Variants in IL7 observed in about 807,000 individuals in gnomAD.
IL7 encodes the protein interleukin-7.
Under a neutral mutation model 21.6 loss-of-function variants are expected in IL7, and 3 were observed. The observed-to-expected ratio is 0.14, with a 90% CI of 0.06 to 0.36. IL7 has a LOEUF of 0.36. Ranked by LOEUF, IL7 falls within the 10% of genes least tolerant of loss-of-function variation. The pLI is 1.00. For missense variants in IL7, 175 were observed against 200.2 expected, an observed-to-expected ratio of 0.87 and a Z score of 0.76; for synonymous variants, 62 against 68.1, an observed-to-expected ratio of 0.91 and a Z score of 0.44.
chr8:78,713,602 T>G (rs1034966990), downstream of IL7, among the ~76,000 whole-genome samples: 1 of 152,204 alleles, frequency 6.6e-6, no homozygotes, highest in East Asian at 1.9e-4. Context: ...GTAAACCTCA[T>G]GAATGGACTT....
chr8:78,781,781 G>A (rs907653632), intron 2 of IL7, among the ~76,000 whole-genome samples: 13 of 152,100 alleles, frequency 8.5e-5, no homozygotes, highest in Non-Finnish European at 1.6e-4. Context: ...CTAGGTTGAG[G>A]AAGTTCTCCT....
At chr8:78,793,220 A>G (rs1276676334) in intron 2 of IL7, among the ~76,000 whole-genome samples, 4 of 152,304 alleles carry the variant, frequency 2.6e-5, no homozygotes, top group Non-Finnish European at 4.4e-5. Flanking sequence ...AATGCAGAAT[A>G]GTGGCTGCCA....
intron 2 of IL7, among the ~76,000 whole-genome samples, chr8:78,788,714 G>A (rs1459647285): frequency 1.3e-5 from 2 of 152,164 alleles, no homozygotes; most frequent in East Asian, 1.9e-4. Context: ...GTTTGATGAA[G>A]TATTTTATAA....
chr8:78,701,697 G>T (rs569226944), intron 3 of IL7, among the ~76,000 whole-genome samples: 1 of 152,144 alleles, frequency 6.6e-6, no homozygotes, highest in Non-Finnish European at 1.5e-5. Flanking sequence ...AGTTTTTAAC[G>T]TGAAGGGATG....
intron 2 of IL7, among the ~76,000 whole-genome samples, chr8:78,795,471 T>C (rs1212776090): frequency 2.0e-5 from 3 of 152,078 alleles, no homozygotes; most frequent in East Asian, 3.9e-4. Flanking sequence ...TGTTTTGTTT[T>C]TTGAAAATAA....
At chr8:78,802,830 C>T (rs1375562723) in intron 1 of IL7, among the ~76,000 whole-genome samples, 2 of 152,142 alleles carry the variant, frequency 1.3e-5, no homozygotes, top group African/African-American at 4.8e-5. Flanking sequence ...AACTACATTG[C>T]TTCCTTAAAA....
intron 2 of IL7, among the ~76,000 whole-genome samples, chr8:78,796,311 C>G (rs1813852212): frequency 6.6e-6 from 1 of 151,816 alleles, no homozygotes; most frequent in Admixed American, 6.6e-5. Flanking sequence ...AGAAACACAC[C>G]ATTTAAAATA....
At chr8:78,766,974 G>A (rs1201301141) in intron 2 of IL7, among the ~76,000 whole-genome samples, 2 of 152,042 alleles carry the variant, frequency 1.3e-5, no homozygotes, top group African/African-American at 2.4e-5. Flanking sequence ...TACCAATCCT[G>A]AGAAGTAAAA....
At chr8:78,755,334 T>A (rs1394676513) in intron 2 of IL7, among the ~76,000 whole-genome samples, 1 of 152,144 alleles carries the variant, frequency 6.6e-6, no homozygotes, top group Non-Finnish European at 1.5e-5. Flanking sequence ...CATACAAATT[T>A]TAGGACTGTT....
intron 2 of IL7, among the ~76,000 whole-genome samples, chr8:78,790,807 A>C (rs1474685172): frequency 1.6e-4 from 25 of 152,148 alleles, no homozygotes; most frequent in Admixed American, 1.6e-3. Context: ...AAGAAAATTT[A>C]AAAGATACAA....
At chr8:78,789,272 G>A (rs1281714364) in intron 2 of IL7, among the ~76,000 whole-genome samples, 2 of 152,004 alleles carry the variant, frequency 1.3e-5, no homozygotes, top group Non-Finnish European at 2.9e-5. Flanking sequence ...AATGTCTCTT[G>A]TTAAATTGCA....
intron 2 of IL7, among the ~76,000 whole-genome samples, chr8:78,763,435 G>T (rs372941727): frequency 1.3e-5 from 2 of 152,108 alleles, no homozygotes; most frequent in African/African-American, 4.8e-5. Context: ...AATGTTATTT[G>T]GAAGTAGATT....
intron 2 of IL7, among the ~76,000 whole-genome samples, chr8:78,791,921 T>C (rs539249367): frequency 6.6e-6 from 1 of 152,246 alleles, no homozygotes; most frequent in South Asian, 2.1e-4. Flanking sequence ...ATAAAGCTAT[T>C]TAATATACTA....
At chr8:78,773,710 T>A (rs1302672154) in intron 2 of IL7, among the ~76,000 whole-genome samples, 1 of 152,170 alleles carries the variant, frequency 6.6e-6, no homozygotes, top group Non-Finnish European at 1.5e-5. Context: ...CGATATGGCA[T>A]GATCTGAGCC....
At chr8:78,729,333 G>A (rs1328915152), downstream of IL7, among the ~76,000 whole-genome samples, 3 of 151,940 alleles carry the variant, frequency 2.0e-5, no homozygotes, top group Non-Finnish European at 4.4e-5. Flanking sequence ...ACTAGAGATG[G>A]ATGCTTAATA....
At chr8:78,759,927 AC>A (rs1812490870) in intron 2 of IL7, among the ~76,000 whole-genome samples, 2 of 152,328 alleles carry the variant, frequency 1.3e-5, no homozygotes, top group South Asian at 4.1e-4. Context: ...GCAAAAGGAA[AC>A]ATGGAACTTT....
At chr8:78,781,753 G>C (rs1813338303) in intron 2 of IL7, among the ~76,000 whole-genome samples, 1 of 152,034 alleles carries the variant, frequency 6.6e-6, no homozygotes, top group Non-Finnish European at 1.5e-5. Context: ...TCCTGAATTT[G>C]ACTGTTGCCC....
chr8:78,801,307 T>A (rs1814051129), intron 1 of IL7, among the ~76,000 whole-genome samples: 1 of 152,228 alleles, frequency 6.6e-6, no homozygotes, highest in Admixed American at 6.5e-5. Flanking sequence ...TGTTACTCTT[T>A]ACCCTTTGTC....
intron 3 of IL7, among the ~76,000 whole-genome samples, chr8:78,687,278 A>T (rs1423551741): frequency 6.6e-6 from 1 of 151,690 alleles, no homozygotes; most frequent in Non-Finnish European, 1.5e-5. Context: ...CTATGTTAGT[A>T]CTCTAGATTG....
Sources: gnomAD v4.1 joint callset for allele counts (sites outside exome capture counted in the v4.1 genomes callset) on GRCh38, gnomAD v4.1.1 for gene constraint, MANE v1.5 for transcripts, NCBI Gene and HGNC (gene_info 2026-07-23, HGNC 2026-07-21) for gene names.